The following PTPN14 variants were observed in gnomAD, a reference collection of about 807,000 sequenced individuals.
PTPN14 encodes the protein tyrosine-protein phosphatase non-receptor type 14.
A neutral mutation model predicts 126.8 loss-of-function variants in PTPN14; 53 were observed. The ratio of observed to expected loss-of-function variants is 0.42; its 90% CI spans 0.34 to 0.53. The LOEUF (loss-of-function observed/expected upper bound fraction) is 0.53. Ranked by LOEUF, PTPN14 falls within the 20% of genes least tolerant of loss-of-function variation. PTPN14 has a pLI of 0.08. For missense variants in PTPN14, 1,257 were observed against 1,552.9 expected (o/e 0.81, Z 3.20); for synonymous variants, 630 against 599.3 (o/e 1.05, Z -0.75).
At chr1:214,459,465 T>C (rs1267953663) in intron 2 of PTPN14, among the ~76,000 whole-genome samples, 1 of 70,736 alleles carries the variant, frequency 1.4e-5, no homozygotes, top group Non-Finnish European at 2.7e-5. Context: ...TCCCCACTCT[T>C]TTCTTTCTTT....
At chr1:214,531,543 T>TC (rs1553276078) in intron 1 of PTPN14, 1 of 77,768 alleles carries the variant, frequency 1.3e-5, no homozygotes, top group East Asian at 6.4e-4. Flanking sequence ...CACACACACA[T>TC]TCTCTGCCTA....
intron 2 of PTPN14, among the ~76,000 whole-genome samples, chr1:214,458,843 G>T (rs966564254): frequency 6.6e-6 from 1 of 152,086 alleles, no homozygotes; most frequent in Non-Finnish European, 1.5e-5. Context: ...TATCTCCTCT[G>T]TAAAAGGCCC....
At chr1:214,501,224 A>G (rs1654685938) in intron 1 of PTPN14, among the ~76,000 whole-genome samples, 1 of 152,168 alleles carries the variant, frequency 6.6e-6, no homozygotes, top group Admixed American at 6.5e-5. Flanking sequence ...AGAAAACTTA[A>G]TCCATGAAAA....
At chr1:214,519,520 A>C (rs1655190535) in intron 1 of PTPN14, among the ~76,000 whole-genome samples, 1 of 152,192 alleles carries the variant, frequency 6.6e-6, no homozygotes, top group Non-Finnish European at 1.5e-5. Flanking sequence ...GATACATTCC[A>C]GGGACAGTTT....
intron 1 of PTPN14, among the ~76,000 whole-genome samples, chr1:214,504,484 G>A (rs72759615): frequency 0.11 from 17,162 of 152,046 alleles, 1,094 homozygotes; most frequent in East Asian, 0.23. Flanking sequence ...TCATTTTCCC[G>A]TAGCTGTCAT....
chr1:214,487,047 C>T (rs181932811), intron 1 of PTPN14, among the ~76,000 whole-genome samples: 2 of 152,036 alleles, frequency 1.3e-5, no homozygotes, highest in East Asian at 1.9e-4. Context: ...AATCTGTATG[C>T]TTTTATATTT....
chr1:214,548,867 T>TA (rs1468969840), intron 1 of PTPN14, among the ~76,000 whole-genome samples: 2 of 152,212 alleles, frequency 1.3e-5, no homozygotes, highest in Non-Finnish European at 2.9e-5. Context: ...TCCTTTCTAT[T>TA]ACAGCTACCA....
At chr1:214,453,596 T>C (rs1252893212) in intron 2 of PTPN14, among the ~76,000 whole-genome samples, 1 of 152,196 alleles carries the variant, frequency 6.6e-6, no homozygotes, top group Admixed American at 6.5e-5. Context: ...CTTCTATTGC[T>C]GCTGCGGCTG....
Position 214,378,170 on chromosome 1 carries a change from C to G in PTPN14, c.2545-68G>C. The G allele has an allele frequency of 3.4e-6, 5 of 1,486,400 alleles. No homozygotes were observed. In the South Asian group the frequency reaches 6.5e-5, roughly 19 times the overall value. 92.1% of individuals were successfully genotyped at this position (1,486,400 alleles called of 1,614,324 possible). A position where few individuals can be genotyped will look rare whatever the true frequency, so the allele number is the denominator to read the frequency against. On this transcript the variant is annotated intron_variant, in intron 13 of 18. Transcript: ENST00000366956. ...GTAGAATGTTGGAATGTGTTTTAAT[C>G]TCCTCAAATCTGTAACTCCCCAGCC...
Position 214,403,151 on chromosome 1 carries a change from A to T in PTPN14, c.511-198T>A, listed in dbSNP as rs1358929654. On this transcript the variant is annotated intron_variant, in intron 5 of 18. Transcript: ENST00000366956. Reference sequence around the variant, plus strand: ...TACTGTTATAACACGGCTCTCCATTATAACAGGTTATTTCCAGGCATATTT... The same window carrying T: ...TACTGTTATAACACGGCTCTCCATTTTAACAGGTTATTTCCAGGCATATTT... Among the ~76,000 whole-genome samples, 6 of 152,194 alleles carry T rather than the reference A, an allele frequency of 3.9e-5. 1 individual carries two copies. Among genetic ancestry groups the T allele is most frequent in the African/African-American group, 1.4e-4 (6 of 41,438 alleles).
intron 1 of PTPN14, among the ~76,000 whole-genome samples, chr1:214,498,268 A>G (rs1039766054): frequency 6.6e-6 from 1 of 152,204 alleles, no homozygotes; most frequent in Non-Finnish European, 1.5e-5. Flanking sequence ...GTCTCCTAAC[A>G]TGGCACACAA....
Position 214,532,892 on chromosome 1 carries a change from C to G in PTPN14, c.-155+18291G>C, listed in dbSNP as rs934343252. ...TCTGGGTTGACCATGGAGGTTGATG[C>G]CCCCAAATCTCAGGACCTCGCCACG... On this transcript the variant is annotated intron_variant, in intron 1 of 18. Transcript: ENST00000366956. 7.8e-6 allele frequency: 8 copies of G among 1,019,676 alleles called. No individual in the cohort carries two copies. The African/African-American group carries it at 1.3e-4, about 16-fold the overall frequency. 63.2% of individuals were successfully genotyped at this position (1,019,676 alleles called of 1,614,324 possible).
At chr1:214,462,859 G>C (rs4233303) in intron 2 of PTPN14, among the ~76,000 whole-genome samples, 2 of 151,948 alleles carry the variant, frequency 1.3e-5, no homozygotes, top group African/African-American at 4.8e-5. Context: ...CAAAAAATGG[G>C]TTTTTTTTAA....
intron 5 of PTPN14, among the ~76,000 whole-genome samples, chr1:214,403,924 C>T (rs773279629): frequency 3.3e-5 from 5 of 152,166 alleles, no homozygotes; most frequent in Non-Finnish European, 5.9e-5. Context: ...CACCATTTTC[C>T]TGTGACCTCC....
At position 214,355,459 on chromosome 1, in the gene PTPN14, C is replaced by T. The variant is rs1657796002; in HGVS notation, c.*2463G>A. The T allele has an allele frequency of 6.6e-6, 1 of 152,210 alleles. No homozygotes were observed. Among genetic ancestry groups the T allele is most frequent in the Admixed American group, 6.5e-5 (1 of 15,284 alleles). 9.4% of individuals were successfully genotyped at this position (152,210 alleles called of 1,614,324 possible). The stretch of plus-strand genomic sequence containing the variant: ...TGGAAAAACCTCCAAGGAAAGGAAA[C>T]AAGTATCTTTTTGCTTATTGATGAG... On this transcript the variant is annotated 3_prime_UTR_variant, in exon 19 of 19. Transcript: ENST00000366956.
At chr1:214,477,134 T>C (rs920105237) in intron 1 of PTPN14, among the ~76,000 whole-genome samples, 1 of 152,136 alleles carries the variant, frequency 6.6e-6, no homozygotes, top group African/African-American at 2.4e-5. Context: ...CTCCAGTGAA[T>C]CAGTACAACC....
chr1:214,477,033 G>C (rs1244697952), intron 1 of PTPN14, among the ~76,000 whole-genome samples: 5 of 152,280 alleles, frequency 3.3e-5, no homozygotes, highest in Non-Finnish European at 2.9e-5. Context: ...TCATCACTAA[G>C]AGAAAAAATA....
rs766357597 is a variant in PTPN14, at chr1:214,364,653, C to T, written c.3294G>A (p.Ser1098=). 15 of 1,613,520 alleles carry T rather than the reference C, an allele frequency of 9.3e-6. No homozygotes were observed. In the East Asian group the frequency reaches 2.2e-4, roughly 24 times the overall value. Residue 1098 remains serine (S), a synonymous_variant, in exon 18 of 19, where the codon TCG becomes TCA. Transcript: ENST00000366956. This position sits in a 1 kb window ranked among gnomAD's most constrained non-coding sequence, Gnocchi z 4.1. ...GCATGCTGTTGGTATGGCGACGGACCGACTGGATCTCCTCCAAGTAGGCTG... is the reference window on the plus strand; with the variant it reads ...GCATGCTGTTGGTATGGCGACGGACTGACTGGATCTCCTCCAAGTAGGCTG... ...GFLSYLEEIQ[S]VRRHTNSMLE...
At chr1:214,450,707 CT>C (rs1558108017) in intron 3 of PTPN14, among the ~76,000 whole-genome samples, 1 of 152,136 alleles carries the variant, frequency 6.6e-6, no homozygotes. Flanking sequence ...TATGTGATTC[CT>C]TTTCCTACCA....
Sources: allele counts gnomAD v4.1 joint callset (sites outside exome capture counted in the v4.1 genomes callset), GRCh38; gene constraint gnomAD v4.1.1; non-coding constraint Gnocchi (gnomAD v3.1); transcripts MANE v1.5; gene names NCBI Gene and HGNC (gene_info 2026-07-23, HGNC 2026-07-21).